EPN2: variants seen among roughly 807,000 people sequenced by gnomAD.
EPN2 encodes the protein epsin-2.
In EPN2, 34 loss-of-function variants were observed where a neutral mutation model predicts 61.7. The ratio of observed to expected loss-of-function variants is 0.55; its 90% CI spans 0.42 to 0.73. EPN2 has a LOEUF of 0.73. Ranked by LOEUF, EPN2 falls within the 30% of genes least tolerant of loss-of-function variation. The pLI, the probability that EPN2 is intolerant of heterozygous loss-of-function variation, is 0.00. For synonymous variants in EPN2, 349 were observed against 353.6 expected, an observed-to-expected ratio of 0.99 and a Z score of 0.15; for missense variants, 714 against 839.2, an observed-to-expected ratio of 0.85 and a Z score of 1.84.
chr17:19,264,828 CA>C (rs1347038264), intron 1 of EPN2, among the ~76,000 whole-genome samples: 1 of 152,092 alleles, frequency 6.6e-6, no homozygotes, highest in African/African-American at 2.4e-5. Flanking sequence ...CAGCATGCAG[CA>C]TCAAGGAGAC....
intron 4 of EPN2, among the ~76,000 whole-genome samples, chr17:19,291,286 C>T (rs1414487265): frequency 6.6e-6 from 1 of 152,236 alleles, no homozygotes; most frequent in East Asian, 1.9e-4. Flanking sequence ...TGTCCTGCGG[C>T]ATCACCCCAA....
intron 1 of EPN2, chr17:19,249,514 C>A (rs776905432): frequency 3.3e-5 from 5 of 152,176 alleles, no homozygotes; most frequent in Admixed American, 6.5e-5. Context: ...AATTTTATGA[C>A]CATGTGGTAA....
chr17:19,308,661 G>A, intron 4 of EPN2: 1 of 985,436 alleles, frequency 1.0e-6, no homozygotes, highest in African/African-American at 1.7e-5. Flanking sequence ...GGAGGACAGG[G>A]CAAGGAACCA....
chr17:19,323,833 A>G (rs1906751144), intron 7 of EPN2, among the ~76,000 whole-genome samples: 1 of 152,264 alleles, frequency 6.6e-6, no homozygotes, highest in African/African-American at 2.4e-5. Context: ...TAAAGTTGAA[A>G]GGATGACATC....
chr17:19,326,491 C>T (rs975959206), intron 7 of EPN2, among the ~76,000 whole-genome samples: 1 of 152,020 alleles, frequency 6.6e-6, no homozygotes, highest in African/African-American at 2.4e-5. Context: ...TCGAGACCAT[C>T]CTGGCTAACA....
intron 6 of EPN2, chr17:19,312,839 G>T: frequency 2.3e-6 from 1 of 434,814 alleles, no homozygotes; most frequent in Admixed American, 4.1e-5. Flanking sequence ...GCAGAAGCCA[G>T]TGTTAGCCTG....
intron 1 of EPN2, among the ~76,000 whole-genome samples, chr17:19,264,654 T>G (rs1224249374): frequency 6.6e-6 from 1 of 152,204 alleles, no homozygotes; most frequent in Non-Finnish European, 1.5e-5. Flanking sequence ...ATGTTTTATG[T>G]TCAGTGAGGG....
At chr17:19,261,117 G>T (rs781585710) in intron 1 of EPN2, among the ~76,000 whole-genome samples, 2 of 152,150 alleles carry the variant, frequency 1.3e-5, no homozygotes, top group African/African-American at 4.8e-5. Flanking sequence ...GTGGCATCCC[G>T]CAGGCACATT....
At chr17:19,320,698 T>C (rs1343140488) in intron 7 of EPN2, among the ~76,000 whole-genome samples, 1 of 152,178 alleles carries the variant, frequency 6.6e-6, no homozygotes, top group Non-Finnish European at 1.5e-5. Context: ...TGAATACCAC[T>C]CAGTCTAAGA....
At chr17:19,307,342 G>A (rs921678865) in intron 4 of EPN2, among the ~76,000 whole-genome samples, 3 of 151,444 alleles carry the variant, frequency 2.0e-5, no homozygotes, top group Admixed American at 2.0e-4. Flanking sequence ...ATGGAGTCTC[G>A]CTCTGTCACC....
intron 1 of EPN2, among the ~76,000 whole-genome samples, chr17:19,255,649 A>G (rs1295706603): frequency 1.4e-5 from 2 of 147,342 alleles, no homozygotes; most frequent in East Asian, 2.0e-4. Context: ...TGAGACAAAG[A>G]GTCTTGCTCT....
At position 19,334,030 on chromosome 17, in the gene EPN2, C is replaced by T. The variant is rs143971976; in HGVS notation, c.1702C>T (p.Arg568Trp). 34 of 1,603,702 alleles carry T rather than the reference C, an allele frequency of 2.1e-5. No homozygotes were observed. The highest frequency in any genetic ancestry group is 5.3e-5 in the African/African-American group (4 of 74,790). Reference protein sequence around the residue: ...QPQPLTLNQLRGSPVLGTSTS... With the variant: ...QPQPLTLNQLWGSPVLGTSTS... ...CCAGCCGCTGACACTGAACCAGCTT[C>T]GGGGGAGCCCAGTCCTGGGGACCAG... The change falls in exon 11 of 11, where the codon CGG becomes TGG. Residue 568 changes from arginine (R) to tryptophan (W), a missense_variant. Transcript: ENST00000314728. This position sits in a 1 kb window ranked among gnomAD's most constrained non-coding sequence, Gnocchi z 4.9.
chr17:19,256,407 A>G (rs1403759793), intron 1 of EPN2, among the ~76,000 whole-genome samples: 1 of 130,288 alleles, frequency 7.7e-6, no homozygotes, highest in Non-Finnish European at 1.5e-5. Context: ...GCAACATAGC[A>G]GGACCCTGTC....
intron 1 of EPN2, among the ~76,000 whole-genome samples, chr17:19,260,489 G>A (rs1047115886): frequency 2.0e-5 from 3 of 152,156 alleles, no homozygotes; most frequent in African/African-American, 4.8e-5. Flanking sequence ...GCTCTTACAC[G>A]GGTTGGTGGC....
intron 1 of EPN2, among the ~76,000 whole-genome samples, chr17:19,250,543 A>G (rs182038371): frequency 1.3e-5 from 2 of 152,292 alleles, no homozygotes; most frequent in East Asian, 1.9e-4. Flanking sequence ...GAGATCTTAC[A>G]TAGCCTCCTA....
At chr17:19,255,018 A>G (rs543126848) in intron 1 of EPN2, among the ~76,000 whole-genome samples, 2 of 152,266 alleles carry the variant, frequency 1.3e-5, no homozygotes, top group South Asian at 4.1e-4. Flanking sequence ...GTTTCCAGCT[A>G]GGAGTTAGAG....
chr17:19,267,690 G>A lies in EPN2; in HGVS notation c.-293-14265G>A, dbSNP rs560467351. Among the ~76,000 whole-genome samples the A allele has an allele frequency of 5.3e-5, 8 of 152,042 alleles. No homozygotes were observed. The East Asian group carries it at 1.2e-3, about 22-fold the overall frequency. ...CCTGAGTAGCTGGGATTACAGGTGC[G>A]CATTACCACACCCGGCTAATTTTTG... On this transcript the variant is annotated intron_variant, in intron 1 of 10. Coordinates refer to ENST00000314728, the MANE Select transcript of EPN2 (RefSeq NM_014964.5).
intron 1 of EPN2, among the ~76,000 whole-genome samples, chr17:19,253,410 CTT>C (rs59492982): frequency 1.2e-3 from 122 of 101,868 alleles, no homozygotes; most frequent in African/African-American, 3.8e-3. Flanking sequence ...TAAATAGTTG[CTT>C]TTTTTTTTTT....
intron 1 of EPN2, chr17:19,271,857 C>T (rs1327148646): frequency 6.6e-6 from 1 of 152,350 alleles, no homozygotes; most frequent in Non-Finnish European, 1.5e-5. Flanking sequence ...TGTTACATCA[C>T]TACTGTGCCC....
Sources: gnomAD v4.1 joint callset for allele counts (sites outside exome capture counted in the v4.1 genomes callset) on GRCh38, gnomAD v4.1.1 for gene constraint, Gnocchi (gnomAD v3.1) non-coding constraint, MANE v1.5 for transcripts, NCBI Gene and HGNC (gene_info 2026-07-23, HGNC 2026-07-21) for gene names.